The following TMTC3 variants were observed in gnomAD, a reference collection of about 807,000 sequenced individuals.
TMTC3 encodes protein O-mannosyl-transferase TMTC3.
Under a neutral mutation model 92.2 loss-of-function variants are expected in TMTC3, and 52 were observed. The ratio of observed to expected loss-of-function variants is 0.56; its 90% CI spans 0.45 to 0.71. The LOEUF (loss-of-function observed/expected upper bound fraction) is 0.71. Ranked by LOEUF, TMTC3 falls within the 30% of genes least tolerant of loss-of-function variation. The pLI is 0.00. For missense variants in TMTC3, 896 were observed against 1,057.1 expected (o/e 0.85, Z 2.11); for synonymous variants, 339 against 363.3 (o/e 0.93, Z 0.76).
intron 7 of TMTC3, among the ~76,000 whole-genome samples, chr12:88,171,498 C>T (rs748690667): frequency 6.6e-5 from 10 of 152,138 alleles, no homozygotes; most frequent in Non-Finnish European, 1.5e-4. Context: ...ACATGGTGTC[C>T]TCCGGGTTTA....
rs754641679 is a variant in TMTC3, at chr12:88,148,309, A to G, written c.-7A>G. 3 of 1,598,872 alleles carry G rather than the reference A, an allele frequency of 1.9e-6. No homozygotes were observed. In the South Asian group the frequency reaches 3.4e-5, roughly 18 times the overall value. ...CCAGTTTTTGTCCAGAAGTGCTTAT[A>G]GAAAAGATGGCTAATATTAACCTAA... On this transcript the variant is annotated 5_prime_UTR_variant, in exon 2 of 14. The change creates a new upstream start codon in the 5' untranslated region. Coordinates refer to ENST00000266712, the MANE Select transcript of TMTC3 (RefSeq NM_181783.4).
intron 10 of TMTC3, among the ~76,000 whole-genome samples, chr12:88,176,998 A>G (rs541858492): frequency 1.3e-5 from 2 of 152,046 alleles, no homozygotes; most frequent in African/African-American, 4.8e-5. Flanking sequence ...TGTGGTCAAG[A>G]AAGGATGGTA....
chr12:88,170,678 T>C (rs2138402952), intron 7 of TMTC3, among the ~76,000 whole-genome samples: 1 of 152,344 alleles, frequency 6.6e-6, no homozygotes, highest in East Asian at 1.9e-4. Context: ...TTCTTTCACC[T>C]TAGCCCATTA....
intron 4 of TMTC3, among the ~76,000 whole-genome samples, chr12:88,158,389 T>C (rs1565945681): frequency 6.6e-6 from 1 of 152,146 alleles, no homozygotes; most frequent in Non-Finnish European, 1.5e-5. Context: ...AATAACCATC[T>C]TCTGATTTCT....
chr12:88,185,024 C>G (rs1229592439), intron 10 of TMTC3, among the ~76,000 whole-genome samples: 1 of 152,112 alleles, frequency 6.6e-6, no homozygotes, highest in Non-Finnish European at 1.5e-5. Context: ...AAGGCTTTTG[C>G]AGTAACCCAA....
At chr12:88,167,102 T>C (rs1479970551) in intron 7 of TMTC3, among the ~76,000 whole-genome samples, 2 of 151,906 alleles carry the variant, frequency 1.3e-5, no homozygotes, top group African/African-American at 4.8e-5. Context: ...CCCTTTTAAT[T>C]ATTGAAGACA....
In TMTC3 at chr12:88,194,930, A is replaced by G. The variant is rs757380395; in HGVS notation, c.2026A>G (p.Met676Val). 6.2e-7 allele frequency: 1 copy of G among 1,613,822 alleles called. No individual in the cohort carries two copies. The highest frequency in any genetic ancestry group is 2.2e-5 in the East Asian group (1 of 44,802). ...TGCTAATGGGTATTTCAATTTGGGA[A>G]TGCTTGCCATGGATGACAAAAAGGA... ...LDANGYFNLG[M>V]LAMDDKKDNE... Residue 676 changes from methionine (M) to valine (V), a missense_variant, in exon 14 of 14, where the codon ATG becomes GTG. Coordinates refer to ENST00000266712, the MANE Select transcript of TMTC3 (RefSeq NM_181783.4).
At chr12:88,153,153 T>C in intron 2 of TMTC3, 138 bp from the exon 3 acceptor site, 1 of 594,396 alleles carries the variant, frequency 1.7e-6, no homozygotes, top group Non-Finnish European at 2.9e-6. Flanking sequence ...TGTGTTACTC[T>C]TACGACATTT....
Position 88,195,650 on chromosome 12 carries a change from CATT to C in TMTC3, c.*3_*5del, listed in dbSNP as rs2041503815. 6.4e-7 allele frequency: 1 copy of C among 1,573,284 alleles called. No homozygotes were observed. Among genetic ancestry groups the C allele is most frequent in the South Asian group, 1.2e-5 (1 of 83,508 alleles). On this transcript the variant is annotated 3_prime_UTR_variant, in exon 14 of 14. Transcript: ENST00000266712. ...TGAACGTATTTTAAATGGTGAATAA[CATT>C]AATATTTATCGTGACAATGGTATCA...
At chr12:88,147,385 G>A (rs1251519209) in intron 1 of TMTC3, among the ~76,000 whole-genome samples, 1 of 152,112 alleles carries the variant, frequency 6.6e-6, no homozygotes, top group Admixed American at 6.6e-5. Flanking sequence ...TTTCTGACCT[G>A]TACACAAAAC....
intron 10 of TMTC3, among the ~76,000 whole-genome samples, chr12:88,186,833 CT>C (rs1271526557): frequency 6.6e-6 from 1 of 152,070 alleles, no homozygotes; most frequent in Non-Finnish European, 1.5e-5. Flanking sequence ...AATTGCATCT[CT>C]GCTCTTTGAA....
At chr12:88,191,005 T>G (rs546057990) in intron 12 of TMTC3, among the ~76,000 whole-genome samples, 1 of 152,290 alleles carries the variant, frequency 6.6e-6, no homozygotes, top group Non-Finnish European at 1.5e-5. Context: ...TAGAGTTGAT[T>G]GGTTATTGAT....
chr12:88,159,151 A>C (rs2041046174), intron 4 of TMTC3, among the ~76,000 whole-genome samples: 1 of 152,064 alleles, frequency 6.6e-6, no homozygotes, highest in African/African-American at 2.4e-5. Context: ...ATTAGAGATT[A>C]TAGTTTTTCA....
At chr12:88,190,151 C>T (rs890560139) in intron 11 of TMTC3, among the ~76,000 whole-genome samples, 62 of 151,996 alleles carry the variant, frequency 4.1e-4, no homozygotes, top group African/African-American at 1.3e-3. Context: ...TTACAGTATC[C>T]TCAAAAATGT....
At position 88,162,992 on chromosome 12, in the gene TMTC3, C is replaced by T. The variant is rs967447538; in HGVS notation, c.797+2141C>T. On this transcript the variant is annotated intron_variant, in intron 6 of 13. Transcript: ENST00000266712. ...GTGCAATGGCGCAATCTCGGCTCAC[C>T]GCAACCTCCACCTCCCAGGTTTAAA... 5.9e-5 allele frequency among the ~76,000 whole-genome samples: 9 copies of T among 151,672 alleles called. No individual in the cohort carries two copies. The East Asian group carries it at 1.7e-3, about 29-fold the overall frequency.
intron 7 of TMTC3, among the ~76,000 whole-genome samples, chr12:88,170,277 T>A (rs2138402197): frequency 6.6e-6 from 1 of 152,314 alleles, no homozygotes; most frequent in East Asian, 1.9e-4. Context: ...CACTTTTGAG[T>A]GAATTTAACA....
rs2041521074 is a variant in TMTC3, at chr12:88,197,022, G to A, written c.*1373G>A. ...AGCTTTATAATACCTTAAAAAGTTG[G>A]TTCTAATTTAAAATATGAAAGCTCT... On this transcript the variant is annotated 3_prime_UTR_variant, in exon 14 of 14. Coordinates refer to ENST00000266712, the MANE Select transcript of TMTC3 (RefSeq NM_181783.4). 1 of 151,748 alleles carries A rather than the reference G, an allele frequency of 6.6e-6. No individual in the cohort carries two copies. The highest frequency in any genetic ancestry group is 1.5e-5 in the Non-Finnish European group (1 of 67,714). The allele number at this position is 151,748 out of a possible 1,614,324, so 9.4% of individuals were successfully genotyped here.
intron 1 of TMTC3, among the ~76,000 whole-genome samples, chr12:88,147,768 G>GAA (rs11413462): frequency 2.7e-4 from 39 of 146,336 alleles, no homozygotes; most frequent in African/African-American, 9.7e-4. Context: ...CATTTTGGGT[G>GAA]AAAAAAAAAA....
intron 11 of TMTC3, among the ~76,000 whole-genome samples, chr12:88,189,705 T>C (rs2041421603): frequency 6.6e-6 from 1 of 152,138 alleles, no homozygotes. Context: ...CAGCAAAATA[T>C]TTCTGGGTTG....
Sources: gnomAD v4.1 joint callset for allele counts (sites outside exome capture counted in the v4.1 genomes callset) on GRCh38, gnomAD v4.1.1 for gene constraint, MANE v1.5 for transcripts, NCBI Gene and HGNC (gene_info 2026-07-23, HGNC 2026-07-21) for gene names.